TRHDE: variants seen among roughly 807,000 people sequenced by gnomAD.
TRHDE encodes thyrotropin releasing hormone degrading enzyme, also known as thyrotropin-releasing hormone-degrading ectoenzyme.
Under a neutral mutation model 125.7 loss-of-function variants are expected in TRHDE, and 72 were observed. The observed-to-expected ratio is 0.57, with a 90% CI of 0.47 to 0.70. The LOEUF is 0.70. Among genes scored for constraint, TRHDE ranks in the 30% least tolerant of loss-of-function variants. The pLI, the probability that TRHDE is intolerant of heterozygous loss-of-function variation, is 0.00. For synonymous variants in TRHDE, 509 were observed against 509.1 expected (o/e 1.00, Z 0.00); for missense variants, 1,110 against 1,327.1 (o/e 0.84, Z 2.54).
Position 72,653,081 on chromosome 12 carries a change from A to C in TRHDE, c.2909A>C (p.His970Pro). The change falls in exon 17 of 19, where the codon CAT (histidine) becomes CCT (proline). Residue 970 changes from histidine (H) to proline (P), a missense_variant. By Grantham distance (77) the His-to-Pro change is moderately conservative. Coordinates refer to ENST00000261180, the MANE Select transcript of TRHDE (RefSeq NM_013381.3). Reference sequence around the variant, plus strand: ...CAAGATGCAATTGATGTCATAATCCATGTAGCTCGAAATCCACATGGTCGA... The same window carrying C: ...CAAGATGCAATTGATGTCATAATCCCTGTAGCTCGAAATCCACATGGTCGA... ...LDQDAIDVII[H>P]VARNPHGRDL... 5.0e-6 allele frequency: 8 copies of C among 1,609,174 alleles called. No individual in the cohort carries two copies. The highest frequency in any genetic ancestry group is 6.8e-6 in the Non-Finnish European group (8 of 1,177,110).
intron 9 of TRHDE, among the ~76,000 whole-genome samples, chr12:72,565,371 T>C (rs1184607028): frequency 6.6e-6 from 1 of 152,208 alleles, no homozygotes; most frequent in East Asian, 1.9e-4. Flanking sequence ...CCAGTAATTA[T>C]ATTTTTATAT....
At chr12:72,380,734 GCTTCCTTC>G (rs1227111391) in intron 3 of TRHDE, among the ~76,000 whole-genome samples, 31 of 82,136 alleles carry the variant, frequency 3.8e-4, no homozygotes, top group Non-Finnish European at 5.7e-4. Context: ...TTCCTTCCTT[GCTTCCTTC>G]CTTCCTTCCT....
chr12:72,319,768 AT>A (rs1340221536), intron 2 of TRHDE, among the ~76,000 whole-genome samples: 1 of 152,084 alleles, frequency 6.6e-6, no homozygotes. Context: ...TTGTTTTGAT[AT>A]TGTGGAGAAT....
At chr12:72,251,497 C>T (rs1246611615) in intron 2 of TRHDE, among the ~76,000 whole-genome samples, 1 of 149,304 alleles carries the variant, frequency 6.7e-6, no homozygotes, top group Non-Finnish European at 1.5e-5. Context: ...ATAGTTCATT[C>T]CTTTTTATTG....
chr12:72,613,331 G>A (rs1340650598), intron 12 of TRHDE, among the ~76,000 whole-genome samples: 1 of 152,044 alleles, frequency 6.6e-6, no homozygotes, highest in Admixed American at 6.5e-5. Context: ...TTCTATATGT[G>A]TTATCATTAA....
At chr12:72,419,537 G>C (rs1371932286) in intron 3 of TRHDE, among the ~76,000 whole-genome samples, 1 of 152,094 alleles carries the variant, frequency 6.6e-6, no homozygotes, top group Non-Finnish European at 1.5e-5. Flanking sequence ...GAGATGGGGA[G>C]TGTGCCATAC....
upstream of TRHDE, among the ~76,000 whole-genome samples, chr12:72,270,341 T>G (rs1432947006): frequency 6.6e-6 from 1 of 152,154 alleles, no homozygotes; most frequent in African/African-American, 2.4e-5. Flanking sequence ...ATGATTCAAA[T>G]GGACATTTAG....
At chr12:72,190,176 T>C (rs916544240) in intron 2 of TRHDE, among the ~76,000 whole-genome samples, 1 of 152,142 alleles carries the variant, frequency 6.6e-6, no homozygotes, top group Non-Finnish European at 1.5e-5. Context: ...ATCTATATGA[T>C]CACTAATAAA....
intron 2 of TRHDE, among the ~76,000 whole-genome samples, chr12:72,295,581 A>G (rs1488254981): frequency 6.6e-6 from 1 of 152,198 alleles, no homozygotes. Context: ...CAATGGTGGT[A>G]TGTATATATG....
chr12:72,131,061 T>C (rs1009647528), intron 2 of TRHDE, among the ~76,000 whole-genome samples: 2 of 149,842 alleles, frequency 1.3e-5, no homozygotes, highest in Non-Finnish European at 3.0e-5. Flanking sequence ...TACTACTTAA[T>C]GTAATTTTTT....
intron 2 of TRHDE, among the ~76,000 whole-genome samples, chr12:72,143,274 G>A (rs1876158265): frequency 6.6e-6 from 1 of 152,128 alleles, no homozygotes; most frequent in Non-Finnish European, 1.5e-5. Flanking sequence ...TTGTGACAAG[G>A]ATCAGGGAAC....
chr12:72,283,247 G>C (rs919693658), intron 1 of TRHDE, among the ~76,000 whole-genome samples: 1 of 152,138 alleles, frequency 6.6e-6, no homozygotes, highest in Non-Finnish European at 1.5e-5. Flanking sequence ...CTATTTAGTG[G>C]TAGTGTAATT....
At chr12:72,441,818 C>A (rs778253554) in intron 3 of TRHDE, among the ~76,000 whole-genome samples, 7 of 151,840 alleles carry the variant, frequency 4.6e-5, no homozygotes, top group Admixed American at 4.0e-4. Context: ...TAGAAATGAA[C>A]AATAATATTT....
chr12:72,421,860 A>G (rs1873969031), intron 3 of TRHDE, among the ~76,000 whole-genome samples: 1 of 152,160 alleles, frequency 6.6e-6, no homozygotes, highest in Non-Finnish European at 1.5e-5. Flanking sequence ...TAAAATCATC[A>G]CTGCCTCTGG....
At chr12:72,117,753 C>T (rs1052530137) in intron 2 of TRHDE, among the ~76,000 whole-genome samples, 1 of 151,830 alleles carries the variant, frequency 6.6e-6, no homozygotes, top group African/African-American at 2.4e-5. Context: ...TAATTTCTTT[C>T]ACCAATATTT....
rs573169609 is a variant in TRHDE at position 72,435,964 on chromosome 12, C to CAT, written c.1316-33791_1316-33790dup. ...AAAATTTAATTTTTTAACTTGTTCA[C>CAT]ATATGTTCCCCCCGACCAATAAAAA... On this transcript the variant is annotated intron_variant, in intron 3 of 18. Transcript: ENST00000261180. Among the ~76,000 whole-genome samples the CAT allele has an allele frequency of 9.9e-5, 15 of 152,094 alleles. No individual in the cohort carries two copies. The East Asian group carries it at 2.7e-3, about 27-fold the overall frequency.
intron 1 of TRHDE, among the ~76,000 whole-genome samples, chr12:72,094,207 G>T (rs1874856412): frequency 6.6e-6 from 1 of 152,192 alleles, no homozygotes. Flanking sequence ...GTCCACAGAT[G>T]ACACCAGGTG....
At chr12:72,138,860 C>T (rs114155083) in intron 2 of TRHDE, among the ~76,000 whole-genome samples, 6 of 152,082 alleles carry the variant, frequency 3.9e-5, no homozygotes, top group South Asian at 2.1e-4. Flanking sequence ...TCAATGGTCC[C>T]GAAACAGAGG....
intron 2 of TRHDE, among the ~76,000 whole-genome samples, chr12:72,131,926 T>C (rs957750313): frequency 1.3e-5 from 2 of 152,172 alleles, no homozygotes; most frequent in East Asian, 1.9e-4. Flanking sequence ...TAGGCAGGGA[T>C]AGGTCATCCT....
Sources: gnomAD v4.1 joint callset for allele counts (sites outside exome capture counted in the v4.1 genomes callset) on GRCh38, gnomAD v4.1.1 for gene constraint, MANE v1.5 for transcripts, NCBI Gene and HGNC (gene_info 2026-07-23, HGNC 2026-07-21) for gene names.